DNAH12: variants seen among roughly 807,000 people sequenced by gnomAD.
DNAH12 encodes the protein axonemal beta dynein heavy chain 12.
A neutral mutation model predicts 371.5 loss-of-function variants in DNAH12; 285 were observed. The ratio of observed to expected loss-of-function variants is 0.77; its 90% CI spans 0.70 to 0.85. The LOEUF (loss-of-function observed/expected upper bound fraction) is 0.85, where lower values mean the gene tolerates loss of function less well. Among genes scored for constraint, DNAH12 ranks in the 40% least tolerant of loss-of-function variants. The pLI is 0.00. For synonymous variants in DNAH12, 1,200 were observed against 1,213.0 expected (o/e 0.99, Z 0.22); for missense variants, 3,611 against 3,689.4 (o/e 0.98, Z 0.55).
rs1559667930 is a variant in DNAH12, at chr3:57,446,017, ATAAATAAT to A, written c.4179+6_4179+13del. On this transcript the variant is annotated splice_donor_region_variant and intron_variant, in intron 27 of 73. Coordinates refer to ENST00000495027, the MANE Select transcript of DNAH12 (RefSeq NM_001366028.2). ...ATAAAATAAATAAATAAATAAATAA[ATAAATAAT>A]ATTACCTTAAGATTGTCCGGCAATT... 3.9e-5 allele frequency: 12 copies of A among 306,696 alleles called. No individual in the cohort carries two copies. Among genetic ancestry groups the A allele is most frequent in the Middle Eastern group, 9.7e-4 (1 of 1,028 alleles). The allele number at this position is 306,696 out of a possible 1,614,324, so 19.0% of individuals were successfully genotyped here.
intron 50 of DNAH12, among the ~76,000 whole-genome samples, chr3:57,380,657 G>A (rs1453667341): frequency 6.6e-6 from 1 of 152,088 alleles, no homozygotes; most frequent in East Asian, 1.9e-4. Context: ...TAGAGAGGGG[G>A]TTTCACCATG....
chr3:57,482,910 C>G (rs150017464), intron 13 of DNAH12, among the ~76,000 whole-genome samples: 1 of 104,240 alleles, frequency 9.6e-6, no homozygotes, highest in Non-Finnish European at 1.8e-5. Flanking sequence ...CATCACACAC[C>G]GGGGACTGTT....
chr3:57,514,422 CAAA>C (rs1020503421), intron 4 of DNAH12, among the ~76,000 whole-genome samples: 1 of 148,258 alleles, frequency 6.7e-6, no homozygotes, highest in African/African-American at 2.5e-5. Flanking sequence ...AATAAATAAA[CAAA>C]AAAAAGCAAA....
chr3:57,371,941 C>CAAAAAAAAAAAAGA (rs2063181701), intron 55 of DNAH12, among the ~76,000 whole-genome samples: 1 of 25,846 alleles, frequency 3.9e-5, no homozygotes, highest in Non-Finnish European at 7.8e-5. Flanking sequence ...CTAAACTCAG[C>CAAAAAAAAAAAAGA]AAAAAAAAAA....
chr3:57,410,542 G>A (rs1044451760), intron 39 of DNAH12, among the ~76,000 whole-genome samples: 19 of 152,084 alleles, frequency 1.2e-4, no homozygotes, highest in Admixed American at 2.0e-4. Flanking sequence ...CTCCAGGCCG[G>A]GTGTGGTGGC....
chr3:57,553,255 G>A, the DNAH12 span, among the ~76,000 whole-genome samples: 1 of 152,124 alleles, frequency 6.6e-6, no homozygotes, highest in Non-Finnish European at 1.5e-5. Context: ...CTTAACCAAG[G>A]CCTTTCAGAT....
intron 2 of DNAH12, among the ~76,000 whole-genome samples, chr3:57,537,675 A>G (rs995692157): frequency 6.7e-6 from 1 of 150,276 alleles, no homozygotes; most frequent in Non-Finnish European, 1.5e-5. Flanking sequence ...TTTTTAAAAA[A>G]TGGTTTCTAA....
At chr3:57,426,549 C>G (rs2064774385) in intron 34 of DNAH12, among the ~76,000 whole-genome samples, 1 of 151,808 alleles carries the variant, frequency 6.6e-6, no homozygotes. Context: ...GATCCTGGGG[C>G]CTGGACCAGG....
intron 60 of DNAH12, among the ~76,000 whole-genome samples, chr3:57,341,300 G>A (rs1369282343): frequency 2.6e-5 from 4 of 152,014 alleles, no homozygotes; most frequent in Non-Finnish European, 5.9e-5. Context: ...TTAGAAAGAA[G>A]GAAGTCAAAT....
intron 4 of DNAH12, among the ~76,000 whole-genome samples, chr3:57,516,053 C>CTTTTTTTTGTTTT (rs2068180102): frequency 1.4e-5 from 1 of 71,964 alleles, no homozygotes; most frequent in Non-Finnish European, 2.4e-5. Flanking sequence ...ACTGCTTAGT[C>CTTTTTTTTGTTTT]TTTTTTTTTT....
Position 57,431,824 on chromosome 3 carries a change from T to C in DNAH12, c.4980+1543A>G, listed in dbSNP as rs561853255. ...TTCCTAGGTAGCTCTCTTTCCCATC[T>C]TCCACAAAGGCTAATTTAAGTCTCT... On this transcript the variant is annotated intron_variant, in intron 32 of 73. Transcript: ENST00000495027. Among the ~76,000 whole-genome samples, 9 of 152,334 alleles carry C rather than the reference T, an allele frequency of 5.9e-5. No homozygotes were observed. In the East Asian group the frequency reaches 1.7e-3, roughly 29 times the overall value.
intron 60 of DNAH12, among the ~76,000 whole-genome samples, chr3:57,337,110 C>T (rs1433890324): frequency 6.6e-6 from 1 of 151,960 alleles, no homozygotes; most frequent in Non-Finnish European, 1.5e-5. Flanking sequence ...ATATTTACAT[C>T]AGAAAAAAAC....
chr3:57,477,188 TA>T (rs1173300011), intron 13 of DNAH12, among the ~76,000 whole-genome samples: 4 of 151,940 alleles, frequency 2.6e-5, no homozygotes, highest in Non-Finnish European at 5.9e-5. Flanking sequence ...AAGAAAGGGG[TA>T]ACAGACGGCA....
intron 70 of DNAH12, among the ~76,000 whole-genome samples, chr3:57,297,651 C>T (rs117508213): frequency 1.3e-5 from 2 of 152,160 alleles, no homozygotes; most frequent in East Asian, 1.9e-4. Flanking sequence ...CCACCGCGCC[C>T]GGCCCCCAGT....
At chr3:57,373,672 G>A (rs1235195514) in intron 55 of DNAH12, among the ~76,000 whole-genome samples, 5 of 152,014 alleles carry the variant, frequency 3.3e-5, no homozygotes, top group African/African-American at 1.2e-4. Flanking sequence ...GAATGGTCAC[G>A]AAACACATGG....
chr3:57,364,380 G>A (rs978226749), intron 57 of DNAH12, among the ~76,000 whole-genome samples: 3 of 151,994 alleles, frequency 2.0e-5, no homozygotes, highest in Admixed American at 6.6e-5. Context: ...CTTTTAATTC[G>A]ATTTCATTTA....
chr3:57,440,296 GATTGA>G (rs1408846533), intron 29 of DNAH12, among the ~76,000 whole-genome samples: 2 of 152,154 alleles, frequency 1.3e-5, no homozygotes, highest in Admixed American at 1.3e-4. Context: ...ATCAACAGTA[GATTGA>G]ATAAAGCAAA....
chr3:57,509,861 T>TAAAA (rs902155403), intron 5 of DNAH12, among the ~76,000 whole-genome samples: 1,216 of 46,114 alleles, frequency 0.026, 2 homozygotes, highest in East Asian at 0.041. Flanking sequence ...GACTCCATCA[T>TAAAA]AAAAAAAAAA....
intron 69 of DNAH12, among the ~76,000 whole-genome samples, chr3:57,304,835 A>G (rs567305184): frequency 6.7e-6 from 1 of 150,064 alleles, no homozygotes; most frequent in East Asian, 2.0e-4. Flanking sequence ...CCATGTCTCT[A>G]CCCCTTCTCC....
Sources: allele counts gnomAD v4.1 joint callset (sites outside exome capture counted in the v4.1 genomes callset), GRCh38; gene constraint gnomAD v4.1.1; transcripts MANE v1.5; gene names NCBI Gene and HGNC (gene_info 2026-07-23, HGNC 2026-07-21).